Variants in MMP10 observed in about 807,000 individuals in gnomAD.
MMP10 encodes the protein matrix metallopeptidase 10, also known as stromelysin-2.
MMP10 carries 50 observed loss-of-function variants against 49.1 expected under a neutral mutation model. That is an observed-to-expected ratio of 1.02 (90% CI 0.81 to 1.29). MMP10 has a LOEUF of 1.29. Ranked by LOEUF, MMP10 falls within the 50% of genes most tolerant of loss-of-function variation. The pLI, the probability that MMP10 is intolerant of heterozygous loss-of-function variation, is 0.00. For synonymous variants in MMP10, 229 were observed against 201.6 expected (o/e 1.14, Z -1.15); for missense variants, 613 against 563.8 (o/e 1.09, Z -0.88).
Position 102,776,310 on chromosome 11 carries a change from A to T in MMP10, c.902T>A (p.Leu301Gln). The T allele has an allele frequency of 6.2e-7, 1 of 1,613,854 alleles. No homozygotes were observed. The highest frequency in any genetic ancestry group is 8.5e-7 in the Non-Finnish European group (1 of 1,179,824). ...TTTAAAGAACAGATATTCTCCCCTC[A>T]GAGTGCTGATGGCATCGAAGGACAA... is the stretch of plus-strand genomic sequence containing the variant. ...PALSFDAISTLRGEYLFFKDR... is the reference protein window; with the variant it reads ...PALSFDAISTQRGEYLFFKDR... The change falls in exon 6 of 10, where the codon CTG becomes CAG. Residue 301 changes from leucine (L) to glutamine (Q), a missense_variant. Physicochemically the swap from Leu to Gln is moderately radical, Grantham distance 113 (BLOSUM62 -2). Transcript: ENST00000279441.
At position 102,772,090 on chromosome 11, in the gene MMP10, C is replaced by T. The variant is rs1369998239; in HGVS notation, c.1252G>A (p.Glu418Lys). The stretch of plus-strand genomic sequence containing the variant: ...GCTATTAGTCTAGGGAAGCCTTGCT[C>T]CATGGACTGGCTATTTTCATCAAAT... ...WRFDENSQSM[E>K]QGFPRLIADD... is the part of the protein sequence containing the mutation. The change falls in exon 9 of 10, where the codon GAG (glutamate) becomes AAG (lysine). Residue 418 changes from glutamate (E) to lysine (K), a missense_variant. Glu to Lys is a moderately conservative substitution (Grantham distance 56). Transcript: ENST00000279441. The surrounding 1 kb of genome is among the most constrained non-coding windows in gnomAD (Gnocchi z 4.4). 2 of 1,612,788 alleles carry T rather than the reference C, an allele frequency of 1.2e-6. No individual in the cohort carries two copies. Among genetic ancestry groups the T allele is most frequent in the Non-Finnish European group, 1.7e-6 (2 of 1,179,088 alleles).
chr11:102,772,094 G>C lies in MMP10; in HGVS notation c.1248C>G (p.Ser416=). Residue 416 remains serine (S), a synonymous_variant, in exon 9 of 10, where the codon TCC becomes TCG. Coordinates refer to ENST00000279441, the MANE Select transcript of MMP10 (RefSeq NM_002425.3). The surrounding 1 kb of genome is among the most constrained non-coding windows in gnomAD (Gnocchi z 4.4). The part of the protein sequence containing the change: ...KYWRFDENSQ[S]MEQGFPRLIA... ...TTAGTCTAGGGAAGCCTTGCTCCATGGACTGGCTATTTTCATCAAATCTAA... is the reference window on the plus strand; with the variant it reads ...TTAGTCTAGGGAAGCCTTGCTCCATCGACTGGCTATTTTCATCAAATCTAA... 2.5e-6 allele frequency: 4 copies of C among 1,611,962 alleles called. No individual in the cohort carries two copies. Among genetic ancestry groups the C allele is most frequent in the Admixed American group, 1.7e-5 (1 of 59,938 alleles).
intron 4 of MMP10, 130 bp downstream of exon 4, chr11:102,778,494 T>G: frequency 8.5e-7 from 1 of 1,173,964 alleles, no homozygotes. Context: ...GTACTTCTGT[T>G]TAAAACTCAG....
At position 102,770,808 on chromosome 11, in the gene MMP10, G is replaced by A. The variant is rs374308064; in HGVS notation, c.1416C>T (p.Ser472=). 8 of 1,606,856 alleles carry A rather than the reference G, an allele frequency of 5.0e-6. No individual in the cohort carries two copies. Among genetic ancestry groups the A allele is most frequent in the Middle Eastern group, 3.3e-4 (2 of 6,048 alleles). ...CCTATCTCGCCTAGCAATGTAACCA[G>A]CTGTTACTCTTTAATATGTGTGTCA... ...RMVTHILKSN[S]WLHC is the part of the protein sequence containing the mutation. Residue 472 remains serine, a synonymous_variant, in exon 10 of 10, where the codon AGC becomes AGT. Transcript: ENST00000279441.
intron 7 of MMP10, among the ~76,000 whole-genome samples, chr11:102,774,611 TA>T (rs1258864073): frequency 2.6e-5 from 4 of 152,286 alleles, no homozygotes; most frequent in African/African-American, 9.6e-5. Flanking sequence ...GGCAAATTTT[TA>T]GAAAAACATG....
At chr11:102,773,561 C>G (rs1861995286) in intron 7 of MMP10, among the ~76,000 whole-genome samples, 1 of 152,238 alleles carries the variant, frequency 6.6e-6, no homozygotes, top group Non-Finnish European at 1.5e-5. Flanking sequence ...ATTCACTAAT[C>G]TAAAATGTCC....
intron 7 of MMP10, 31 bp downstream of exon 7, chr11:102,775,157 C>A: frequency 6.9e-7 from 1 of 1,455,028 alleles, no homozygotes; most frequent in South Asian, 1.7e-5. Context: ...GGATTTATTC[C>A]AGCAAGTTGA....
At position 102,770,592 on chromosome 11, in the gene MMP10, T is replaced by C. The variant is rs1591701738; in HGVS notation, c.*201A>G. On this transcript the variant is annotated 3_prime_UTR_variant, in exon 10 of 10. Coordinates refer to ENST00000279441, the MANE Select transcript of MMP10 (RefSeq NM_002425.3). Reference sequence around the variant, plus strand: ...CTCTCACCTATTGCACATGAGTATTTCTTAATTCTGTTCAGTGCAATTCAA... The same window carrying C: ...CTCTCACCTATTGCACATGAGTATTCCTTAATTCTGTTCAGTGCAATTCAA... 1.1e-5 allele frequency: 5 copies of C among 467,848 alleles called. No individual in the cohort carries two copies. The highest frequency in any genetic ancestry group is 1.9e-5 in the Non-Finnish European group (5 of 267,266). 29.0% of individuals were successfully genotyped at this position (467,848 alleles called of 1,614,324 possible). A position where few individuals can be genotyped will look rare whatever the true frequency, so the allele number is the denominator to read the frequency against.
chr11:102,770,828 G>T lies in MMP10; in HGVS notation c.1396C>A (p.His466Asn). The change falls in exon 10 of 10, where the codon CAC becomes AAC. Residue 466 changes from histidine to asparagine, a missense_variant. Coordinates refer to ENST00000279441, the MANE Select transcript of MMP10 (RefSeq NM_002425.3). ...AACCAGCTGTTACTCTTTAATATGT[G>T]TGTCACCATCCTGGCATTGGGGTCA... Reference protein sequence around the residue: ...EFDPNARMVTHILKSNSWLHC With the variant: ...EFDPNARMVTNILKSNSWLHC 1 of 1,612,508 alleles carries T rather than the reference G, an allele frequency of 6.2e-7. No individual in the cohort carries two copies. The highest frequency in any genetic ancestry group is 1.7e-5 in the Admixed American group (1 of 59,848).
At position 102,779,788 on chromosome 11, in the gene MMP10, A is replaced by G. The variant is rs755358938; in HGVS notation, c.106-43T>C. 2.8e-5 allele frequency: 44 copies of G among 1,579,710 alleles called. No individual in the cohort carries two copies. The East Asian group carries it at 3.6e-4, about 13-fold the overall frequency. On this transcript the variant is annotated intron_variant, in intron 1 of 9. Transcript: ENST00000279441. ...TTTTAGGGCATTTTTGTGATTTTCCATCATTTATCCAACTTTTATAATCCA... is the reference window on the plus strand; with the variant it reads ...TTTTAGGGCATTTTTGTGATTTTCCGTCATTTATCCAACTTTTATAATCCA...
chr11:102,776,679 G>T lies in MMP10; in HGVS notation c.720C>A (p.Asn240Lys). The change falls in exon 5 of 10, where the codon AAC becomes AAA. Residue 240 changes from asparagine to lysine, a missense_variant. By Grantham distance (94) the Asn-to-Lys change is moderately conservative. Transcript: ENST00000279441. ...GGAACTGGGCGAGCTCTGTGAATGA[G>T]TTGTAGAGTGGGTACATCAAAGCTT... Reference protein sequence around the residue: ...NTEALMYPLYNSFTELAQFRL... With the variant: ...NTEALMYPLYKSFTELAQFRL... The T allele has an allele frequency of 6.2e-7, 1 of 1,614,066 alleles. No individual in the cohort carries two copies. The highest frequency in any genetic ancestry group is 1.3e-5 in the African/African-American group (1 of 75,036).
At chr11:102,778,538 T>A in intron 4 of MMP10, 86 bp downstream of exon 4, 1 of 1,534,070 alleles carries the variant, frequency 6.5e-7, no homozygotes, top group South Asian at 1.2e-5. Context: ...GTATATTCGA[T>A]TTATTGCTCG....
chr11:102,776,647 G>A lies in MMP10; in HGVS notation c.752C>T (p.Ser251Leu), dbSNP rs749752987. ...SFTELAQFRL[S>L]QDDVNGIQSL... ...CTGAATGCCATTCACATCATCTTGC[G>A]AAAGGCGGAACTGGGCGAGCTCTGT... The change falls in exon 5 of 10, where the codon TCG becomes TTG. Residue 251 changes from serine (S) to leucine (L), a missense_variant. Coordinates refer to ENST00000279441, the MANE Select transcript of MMP10 (RefSeq NM_002425.3). 6.8e-6 allele frequency: 11 copies of A among 1,613,534 alleles called. No individual in the cohort carries two copies. Among genetic ancestry groups the A allele is most frequent in the Middle Eastern group, 1.7e-4 (1 of 6,046 alleles).
At position 102,773,012 on chromosome 11, in the gene MMP10, G is replaced by GA; in HGVS notation, c.1067-7dup. 3 of 1,576,748 alleles carry GA rather than the reference G, an allele frequency of 1.9e-6. No homozygotes were observed. The highest frequency in any genetic ancestry group is 2.3e-5 in the East Asian group (1 of 44,228). On this transcript the variant is annotated splice_region_variant and splice_polypyrimidine_tract_variant and intron_variant, in intron 7 of 9. Transcript: ENST00000279441. ...GATGGCCCAGAACTCATTTCCTATT[G>GA]AAAAAATAAATCCAAGACATTTTAC...
intron 1 of MMP10, 128 bp downstream of exon 1, chr11:102,780,359 A>T: frequency 1.4e-6 from 1 of 725,018 alleles, no homozygotes; most frequent in Non-Finnish European, 2.4e-6. Context: ...CCAGCCTGTT[A>T]ATTATTCTCT....
At position 102,778,656 on chromosome 11, in the gene MMP10, T is replaced by G. The variant is rs1350888141; in HGVS notation, c.590A>C (p.Asp197Ala). Residue 197 changes from aspartate (D) to alanine (A), a missense_variant, in exon 4 of 10, where the codon GAT (aspartate) becomes GCT (alanine). Asp to Ala is a moderately radical substitution (Grantham distance 126). Transcript: ENST00000279441. ...ATCTTCTGTCCATTTTTCATCATCA[T>G]CAAAGTGAATATCTCCATAAAGCCC... is the stretch of plus-strand genomic sequence containing the variant. ...GPGLYGDIHF[D>A]DDEKWTEDAS... The G allele has an allele frequency of 6.2e-7, 1 of 1,613,840 alleles. No homozygotes were observed. The highest frequency in any genetic ancestry group is 1.7e-5 in the Admixed American group (1 of 59,954).
rs369296740 is a variant in MMP10 at position 102,772,005 on chromosome 11, T to C, written c.1330+7A>G. On this transcript the variant is annotated splice_region_variant and intron_variant, in intron 9 of 9. Transcript: ENST00000279441. The surrounding 1 kb of genome is among the most constrained non-coding windows in gnomAD (Gnocchi z 4.4). ...CCTGCATGACAATGAAATAAGGGTCTTCTTACCAAATGCCTGTAATACAGC... is the reference window on the plus strand; with the variant it reads ...CCTGCATGACAATGAAATAAGGGTCCTCTTACCAAATGCCTGTAATACAGC... 1.9e-4 allele frequency: 302 copies of C among 1,567,722 alleles called. No individual in the cohort carries two copies. The highest frequency in any genetic ancestry group is 2.5e-4 in the Non-Finnish European group (281 of 1,139,006).
In MMP10 at chr11:102,779,301, A is replaced by T; in HGVS notation, c.408T>A (p.Ala136=). The change falls in exon 3 of 10, where the codon GCT becomes GCA. Residue 136 remains alanine, a synonymous_variant. Transcript: ENST00000279441. The part of the protein sequence containing the change: ...RDAVDSAIEK[A]LKVWEEVTPL... The stretch of plus-strand genomic sequence containing the variant: ...GAGTCACCTCTTCCCAGACTTTCAG[A>T]GCTTTCTCAATGGCAGAATCAACAG... The T allele has an allele frequency of 6.2e-7, 1 of 1,614,160 alleles. No homozygotes were observed. Among genetic ancestry groups the T allele is most frequent in the South Asian group, 1.1e-5 (1 of 91,082 alleles).
At position 102,779,876 on chromosome 11, in the gene MMP10, T is replaced by G. The variant is rs561681869; in HGVS notation, c.106-131A>C. ...TATCACATTTAATTTGATTTTTCAT[T>G]AAGACTCCCCATTTCATACAAATTT... is the stretch of plus-strand genomic sequence containing the variant. On this transcript the variant is annotated intron_variant, in intron 1 of 9. Coordinates refer to ENST00000279441, the MANE Select transcript of MMP10 (RefSeq NM_002425.3). 769 of 1,032,998 alleles carry G rather than the reference T, an allele frequency of 7.4e-4. 8 individuals carry two copies. Among genetic ancestry groups the G allele is most frequent in the Admixed American group, 3.2e-4 (11 of 34,412 alleles). 64.0% of individuals were successfully genotyped at this position (1,032,998 alleles called of 1,614,324 possible). A position where few individuals can be genotyped will look rare whatever the true frequency, so the allele number is the denominator to read the frequency against.
Sources: gnomAD v4.1 joint callset for allele counts (sites outside exome capture counted in the v4.1 genomes callset) on GRCh38, gnomAD v4.1.1 for gene constraint, Gnocchi (gnomAD v3.1) non-coding constraint, MANE v1.5 for transcripts, NCBI Gene and HGNC (gene_info 2026-07-23, HGNC 2026-07-21) for gene names.